The following MGMT variants were observed in gnomAD, a reference collection of about 807,000 sequenced individuals.
MGMT encodes methylated-DNA--protein-cysteine methyltransferase.
Under a neutral mutation model 15.9 loss-of-function variants are expected in MGMT, and 14 were observed. The observed-to-expected ratio is 0.88, with a 90% CI of 0.58 to 1.37. MGMT has a LOEUF of 1.37. Ranked by LOEUF, MGMT falls within the 40% of genes most tolerant of loss-of-function variation. MGMT has a pLI of 0.00. For missense variants in MGMT, 282 were observed against 268.1 expected, an observed-to-expected ratio of 1.05 and a Z score of -0.36; for synonymous variants, 130 against 118.2, an observed-to-expected ratio of 1.10 and a Z score of -0.65.
chr10:129,470,621 T>C (rs1845219650), intron 1 of MGMT, among the ~76,000 whole-genome samples: 1 of 152,158 alleles, frequency 6.6e-6, no homozygotes, highest in Non-Finnish European at 1.5e-5. Flanking sequence ...GCCAAGGTGC[T>C]CGGTCCCGGC....
intron 3 of MGMT, among the ~76,000 whole-genome samples, chr10:129,757,380 T>C (rs1427269691): frequency 6.6e-6 from 1 of 152,228 alleles, no homozygotes; most frequent in African/African-American, 2.4e-5. Flanking sequence ...TGCTCTGTGC[T>C]CCGGTTAGGT....
intron 2 of MGMT, among the ~76,000 whole-genome samples, chr10:129,557,360 T>C (rs566394789): frequency 1.7e-4 from 26 of 152,334 alleles, no homozygotes; most frequent in African/African-American, 6.0e-4. Flanking sequence ...GTCTTAGATC[T>C]CCTTGTCTGC....
At chr10:129,527,265 C>G (rs922564158) in intron 1 of MGMT, among the ~76,000 whole-genome samples, 1 of 152,180 alleles carries the variant, frequency 6.6e-6, no homozygotes, top group African/African-American at 2.4e-5. Flanking sequence ...ACGGCTGTCC[C>G]ATTATGTGCA....
intron 1 of MGMT, among the ~76,000 whole-genome samples, chr10:129,514,818 G>C (rs889525098): frequency 2.6e-5 from 4 of 152,214 alleles, no homozygotes; most frequent in Non-Finnish European, 5.9e-5. Context: ...CCACAACTGT[G>C]AGAAAGAAAT....
chr10:129,562,161 C>G (rs1333354958), intron 2 of MGMT, among the ~76,000 whole-genome samples: 1 of 152,150 alleles, frequency 6.6e-6, no homozygotes, highest in African/African-American at 2.4e-5. Context: ...AATTATATAC[C>G]ATTCATGACC....
chr10:129,500,258 C>A (rs1054428475), intron 1 of MGMT, among the ~76,000 whole-genome samples: 1 of 152,164 alleles, frequency 6.6e-6, no homozygotes, highest in South Asian at 2.1e-4. Flanking sequence ...ACCGTAGAAG[C>A]GTGTGCTGTG....
In MGMT at chr10:129,748,467, C is replaced by G. The variant is rs1848719384; in HGVS notation, c.275-10735C>G. Among the ~76,000 whole-genome samples the G allele has an allele frequency of 2.6e-5, 4 of 152,216 alleles. 1 individual carries two copies. The highest frequency in any genetic ancestry group is 9.6e-5 in the African/African-American group (4 of 41,538). The stretch of plus-strand genomic sequence containing the variant: ...CCTGACTTTCTGATACTGCAAGATT[C>G]TCAAGGCTCATCTTGTGTATTTCCT... On this transcript the variant is annotated intron_variant, in intron 3 of 4. Coordinates refer to ENST00000651593, the MANE Select transcript of MGMT (RefSeq NM_002412.5).
At chr10:129,502,022 G>A (rs1407162159) in intron 1 of MGMT, among the ~76,000 whole-genome samples, 4 of 152,226 alleles carry the variant, frequency 2.6e-5, no homozygotes, top group Non-Finnish European at 4.4e-5. Context: ...TGGGATGGGC[G>A]CAGCCTGTGG....
chr10:129,646,695 T>C (rs1427381262), intron 2 of MGMT, among the ~76,000 whole-genome samples: 1 of 137,552 alleles, frequency 7.3e-6, no homozygotes, highest in East Asian at 2.1e-4. Context: ...CTTGTCTCCT[T>C]CCAGAAGCCT....
chr10:129,579,271 C>T (rs1846523581), intron 2 of MGMT, among the ~76,000 whole-genome samples: 1 of 152,246 alleles, frequency 6.6e-6, no homozygotes, highest in African/African-American at 2.4e-5. Context: ...AGTACCTGCT[C>T]ACTGGCTTCC....
intron 2 of MGMT, among the ~76,000 whole-genome samples, chr10:129,637,601 T>C (rs1847276913): frequency 6.6e-6 from 1 of 152,154 alleles, no homozygotes; most frequent in Admixed American, 6.5e-5. Flanking sequence ...CAAATTCACA[T>C]GTTGGAGCCC....
At chr10:129,654,875 T>G (rs1325825668) in intron 2 of MGMT, among the ~76,000 whole-genome samples, 1 of 152,172 alleles carries the variant, frequency 6.6e-6, no homozygotes, top group African/African-American at 2.4e-5. Flanking sequence ...GTCACTTGTT[T>G]CTACAAATGC....
chr10:129,681,633 A>G lies in MGMT; in HGVS notation c.126-26262A>G, dbSNP rs562320937. 5.9e-5 allele frequency among the ~76,000 whole-genome samples: 9 copies of G among 152,334 alleles called. No homozygotes were observed. The South Asian group carries it at 1.7e-3, about 28-fold the overall frequency. On this transcript the variant is annotated intron_variant, in intron 2 of 4. Transcript: ENST00000651593. ...ACTTGAACTCTGTGGGTCCACTTAC[A>G]TGTGGATTTTTTTCAACCAAATGTG...
chr10:129,596,833 C>A (rs954716216), intron 2 of MGMT, among the ~76,000 whole-genome samples: 6 of 152,142 alleles, frequency 3.9e-5, no homozygotes, highest in African/African-American at 1.4e-4. Flanking sequence ...CGCCACAGCC[C>A]AACTTTAACA....
intron 2 of MGMT, among the ~76,000 whole-genome samples, chr10:129,564,493 TCC>T (rs1846324914): frequency 3.7e-5 from 2 of 54,628 alleles, no homozygotes; most frequent in African/African-American, 7.6e-5. Context: ...CCCTTCCTCC[TCC>T]CCTCCTCCTC....
At chr10:129,676,996 G>A (rs1019428001) in intron 2 of MGMT, among the ~76,000 whole-genome samples, 2 of 152,166 alleles carry the variant, frequency 1.3e-5, no homozygotes, top group Non-Finnish European at 2.9e-5. Context: ...CCATAGCTAA[G>A]TTGGGATGCC....
At chr10:129,735,221 A>C (rs1377623204) in intron 3 of MGMT, among the ~76,000 whole-genome samples, 3 of 152,230 alleles carry the variant, frequency 2.0e-5, no homozygotes, top group Non-Finnish European at 4.4e-5. Context: ...GCTATTGATT[A>C]TTGCCACAAT....
chr10:129,565,799 C>G (rs150303513), intron 2 of MGMT, among the ~76,000 whole-genome samples: 4,941 of 152,178 alleles, frequency 0.032, 131 homozygotes, highest in South Asian at 0.064. Context: ...TCTTGATGAT[C>G]GAGGGTTATT....
intron 1 of MGMT, among the ~76,000 whole-genome samples, chr10:129,483,119 T>G (rs1845375553): frequency 6.6e-6 from 1 of 152,248 alleles, no homozygotes; most frequent in Non-Finnish European, 1.5e-5. Flanking sequence ...ATACTTAGCT[T>G]ATGCTTATCA....
Sources: allele counts gnomAD v4.1 joint callset (sites outside exome capture counted in the v4.1 genomes callset), GRCh38; gene constraint gnomAD v4.1.1; transcripts MANE v1.5; gene names NCBI Gene and HGNC (gene_info 2026-07-23, HGNC 2026-07-21).